Variants in TDRD12 observed in about 807,000 individuals in gnomAD.
The protein encoded by TDRD12 is tudor domain containing 12.
Under a neutral mutation model 133.5 loss-of-function variants are expected in TDRD12, and 158 were observed. The ratio of observed to expected loss-of-function variants is 1.18; its 90% CI spans 1.04 to 1.35. The LOEUF is 1.35. Among genes scored for constraint, TDRD12 ranks in the 40% most tolerant of loss-of-function variants. TDRD12 has a pLI of 0.00. For synonymous variants in TDRD12, 460 were observed against 477.9 expected, an observed-to-expected ratio of 0.96 and a Z score of 0.49; for missense variants, 1,443 against 1,321.3, an observed-to-expected ratio of 1.09 and a Z score of -1.43.
chr19:32,747,036 G>GA (rs1969670997), intron 4 of TDRD12, among the ~76,000 whole-genome samples: 1 of 150,378 alleles, frequency 6.6e-6, no homozygotes, highest in South Asian at 2.1e-4. Context: ...GAGAGGAGGG[G>GA]AGAGACTGGC....
chr19:32,828,387 C>T (rs1192856023), exon 10 of TDRD12: 1 of 150,658 alleles, frequency 6.6e-6, no homozygotes, highest in Admixed American at 6.6e-5. Context: ...GGCTGCAGCA[C>T]TGGGGGGGGT....
chr19:32,794,804 T>C, exon 14 of TDRD12: 2 of 703,138 alleles, frequency 2.8e-6, no homozygotes. Context: ...CATTACCAAG[T>C]AGAAATGGAG....
At chr19:32,809,675 C>T (rs1419151275) in intron 22 of TDRD12, among the ~76,000 whole-genome samples, 1 of 152,224 alleles carries the variant, frequency 6.6e-6, no homozygotes, top group African/African-American at 2.4e-5. Context: ...AGGACAGTTT[C>T]ATCCCTGTAA....
At chr19:32,739,705 T>C (rs1159261773) in intron 3 of TDRD12, among the ~76,000 whole-genome samples, 1 of 136,390 alleles carries the variant, frequency 7.3e-6, no homozygotes, top group East Asian at 2.2e-4. Flanking sequence ...ACTCTCTGCA[T>C]CTCCTGGGTA....
intron 18 of TDRD12, among the ~76,000 whole-genome samples, chr19:32,801,241 A>G (rs1025638216): frequency 2.6e-5 from 4 of 152,024 alleles, no homozygotes; most frequent in Admixed American, 2.0e-4. Context: ...AAGATTGAGA[A>G]GATAACAGTA....
chr19:32,734,344 T>C (rs1969157730), intron 2 of TDRD12, among the ~76,000 whole-genome samples: 2 of 151,840 alleles, frequency 1.3e-5, no homozygotes, highest in African/African-American at 4.8e-5. Context: ...GTTTTGTTTT[T>C]CTCTCCTCCT....
intron 11 of TDRD12, among the ~76,000 whole-genome samples, chr19:32,789,409 T>G (rs1232013201): frequency 6.6e-6 from 1 of 152,216 alleles, no homozygotes; most frequent in Non-Finnish European, 1.5e-5. Context: ...TGCATACCCA[T>G]TAGCGGTCAC....
At chr19:32,827,500 C>T (rs2145779988) in exon 10 of TDRD12, 1 of 225,536 alleles carries the variant, frequency 4.4e-6, no homozygotes, top group African/African-American at 2.3e-5. Flanking sequence ...CTGCCTCAGC[C>T]TCCCGAGTAG....
intron 1 of TDRD12, among the ~76,000 whole-genome samples, chr19:32,723,377 A>T (rs1309000447): frequency 6.6e-6 from 1 of 151,850 alleles, no homozygotes; most frequent in Non-Finnish European, 1.5e-5. Flanking sequence ...CAGCCTCCCA[A>T]GTAGCTGGGA....
At position 32,777,131 on chromosome 19, in the gene TDRD12, T is replaced by G; in HGVS notation, c.1041-18T>G. 6.6e-7 allele frequency: 1 copy of G among 1,507,578 alleles called. No homozygotes were observed. The highest frequency in any genetic ancestry group is 8.9e-7 in the Non-Finnish European group (1 of 1,121,824). 93.4% of individuals were successfully genotyped at this position (1,507,578 alleles called of 1,614,324 possible). A position where few individuals can be genotyped will look rare whatever the true frequency, so the allele number is the denominator to read the frequency against. ...TGCTGTTCACAAATTTTAATGAATT[T>G]TTTTTTTTCATTTCTAGTGCTTTAA... On this transcript the variant is annotated intron_variant, in intron 10 of 27. Transcript: ENST00000444215.
intron 8 of TDRD12, among the ~76,000 whole-genome samples, chr19:32,763,626 C>A (rs150882287): frequency 2.0e-5 from 3 of 152,176 alleles, no homozygotes; most frequent in Admixed American, 1.3e-4. Context: ...CTCTTCCTGT[C>A]GAAGCACGAG....
chr19:32,739,431 A>G (rs1258188586), intron 3 of TDRD12, among the ~76,000 whole-genome samples: 8 of 121,858 alleles, frequency 6.6e-5, no homozygotes, highest in African/African-American at 1.9e-4. Context: ...TCACCTGGCT[A>G]CTTTCTGCAT....
intron 21 of TDRD12, among the ~76,000 whole-genome samples, chr19:32,806,825 C>A (rs1026276065): frequency 4.0e-5 from 6 of 151,838 alleles, no homozygotes; most frequent in Non-Finnish European, 7.4e-5. Context: ...CCATGCGCAG[C>A]TAATTTTTGT....
intron 15 of TDRD12, 86 bp from the exon 16 acceptor site, chr19:32,798,222 C>A: frequency 1.5e-6 from 2 of 1,353,854 alleles, no homozygotes. Flanking sequence ...GAAGGCATTT[C>A]TAGAAAGTAT....
chr19:32,794,063 G>T (rs1971148568), intron 13 of TDRD12, among the ~76,000 whole-genome samples: 1 of 145,486 alleles, frequency 6.9e-6, no homozygotes, highest in African/African-American at 2.6e-5. Flanking sequence ...TAAAGTGCAG[G>T]GATTACAGAC....
intron 2 of TDRD12, among the ~76,000 whole-genome samples, chr19:32,734,573 A>G (rs548785872): frequency 3.3e-5 from 5 of 151,806 alleles, no homozygotes; most frequent in African/African-American, 7.2e-5. Context: ...GGGTTTCGCC[A>G]TGTTGCCCAG....
In TDRD12 at chr19:32,802,920, A is replaced by C; in HGVS notation, c.2332-2A>C. On this transcript the variant is annotated splice_acceptor_variant, in intron 20 of 27. Coordinates refer to ENST00000444215, the Ensembl canonical transcript of TDRD12. LOFTEE classifies it high-confidence loss of function. ...CTTCCTTTATTCACCCCCAATTTTC[A>C]GGGTTCTCCTGCAGAACAGGGAGAT... 2 of 1,533,028 alleles carry C rather than the reference A, an allele frequency of 1.3e-6. No individual in the cohort carries two copies. The highest frequency in any genetic ancestry group is 1.7e-6 in the Non-Finnish European group (2 of 1,145,296). 95.0% of individuals were successfully genotyped at this position (1,533,028 alleles called of 1,614,324 possible).
chr19:32,790,736 A>C (rs1042361093), intron 12 of TDRD12, 145 bp downstream of exon 12: 1 of 1,537,448 alleles, frequency 6.5e-7, no homozygotes, highest in East Asian at 2.4e-5. Context: ...CCTTTTAGAA[A>C]CGATCGAATG....
At chr19:32,802,632 C>T (rs747128070) in intron 19 of TDRD12, 24 bp from the exon 20 acceptor site, 1 of 1,534,076 alleles carries the variant, frequency 6.5e-7, no homozygotes, top group East Asian at 2.4e-5. Context: ...GCGCGTGTGA[C>T]ATTGTCGGAC....
Sources: allele counts gnomAD v4.1 joint callset (sites outside exome capture counted in the v4.1 genomes callset), GRCh38; gene constraint gnomAD v4.1.1; transcripts MANE v1.5; gene names NCBI Gene and HGNC (gene_info 2026-07-23, HGNC 2026-07-21).